The following DLG2 variants were observed in gnomAD, a reference collection of about 807,000 sequenced individuals.
DLG2 encodes discs large MAGUK scaffold protein 2.
Under a neutral mutation model 132.5 loss-of-function variants are expected in DLG2, and 45 were observed. The ratio of observed to expected loss-of-function variants is 0.34; its 90% confidence interval spans 0.27 to 0.44. The LOEUF is 0.44. Among genes scored for constraint, DLG2 ranks in the 20% least tolerant of loss-of-function variants. The pLI, the probability that DLG2 is intolerant of heterozygous loss-of-function variation, is 1.00. For missense variants in DLG2, 1,045 were observed against 1,196.9 expected (o/e 0.87, Z 1.87); for synonymous variants, 424 against 419.6 (o/e 1.01, Z -0.13).
chr11:83,637,342 T>G (rs1425085385), intron 18 of DLG2, among the ~76,000 whole-genome samples: 1 of 152,202 alleles, frequency 6.6e-6, no homozygotes, highest in Non-Finnish European at 1.5e-5. Context: ...GAATGAAATT[T>G]TCAAATGCTT....
chr11:84,569,544 A>T (rs770981048), intron 6 of DLG2, among the ~76,000 whole-genome samples: 5 of 152,156 alleles, frequency 3.3e-5, no homozygotes, highest in Non-Finnish European at 5.9e-5. Flanking sequence ...AAAATAATAA[A>T]AAAGAACCAG....
chr11:85,525,668 A>G (rs1277687892), intron 3 of DLG2, among the ~76,000 whole-genome samples: 1 of 152,222 alleles, frequency 6.6e-6, no homozygotes, highest in Non-Finnish European at 1.5e-5. Flanking sequence ...TGGAAAAAGC[A>G]CAAAGGACAG....
chr11:84,661,536 G>A (rs890120248), intron 6 of DLG2, among the ~76,000 whole-genome samples: 1 of 152,146 alleles, frequency 6.6e-6, no homozygotes, highest in Non-Finnish European at 1.5e-5. Flanking sequence ...ACATGAGAAT[G>A]TTAATTGCTA....
intron 6 of DLG2, among the ~76,000 whole-genome samples, chr11:84,680,134 G>A (rs1235600552): frequency 2.6e-5 from 4 of 152,020 alleles, no homozygotes; most frequent in Non-Finnish European, 5.9e-5. Flanking sequence ...CTCTCTTCCA[G>A]CATATGGTCT....
Position 85,144,635 on chromosome 11 carries a change from G to T in DLG2, c.282+9921C>A, listed in dbSNP as rs1005609088. 4.0e-5 allele frequency among the ~76,000 whole-genome samples: 6 copies of T among 151,386 alleles called. No homozygotes were observed. The East Asian group carries it at 9.7e-4, about 24-fold the overall frequency. On this transcript the variant is annotated intron_variant, in intron 5 of 27. Coordinates refer to ENST00000376104, the MANE Select transcript of DLG2 (RefSeq NM_001142699.3). ...CCATGAAGCTTGCAAATAATATCTTGTAAAAAATAATTTTAAACTAATGAC... is the reference window on the plus strand; with the variant it reads ...CCATGAAGCTTGCAAATAATATCTTTTAAAAAATAATTTTAAACTAATGAC...
chr11:83,763,963 C>A (rs2094028909), intron 18 of DLG2, among the ~76,000 whole-genome samples: 1 of 152,208 alleles, frequency 6.6e-6, no homozygotes, highest in Non-Finnish European at 1.5e-5. Context: ...ACAGTCATTG[C>A]ACCTAATTTA....
chr11:84,492,028 A>T (rs2099166531), intron 7 of DLG2, among the ~76,000 whole-genome samples: 1 of 152,156 alleles, frequency 6.6e-6, no homozygotes, highest in South Asian at 2.1e-4. Flanking sequence ...TTAAAAAGAC[A>T]TTTTAAGTAA....
At chr11:85,055,106 A>T (rs1378009463) in intron 6 of DLG2, among the ~76,000 whole-genome samples, 2 of 152,224 alleles carry the variant, frequency 1.3e-5, no homozygotes, top group Non-Finnish European at 2.9e-5. Flanking sequence ...TCTGTCATTA[A>T]TTAGATGAAT....
intron 6 of DLG2, among the ~76,000 whole-genome samples, chr11:84,750,753 A>G (rs1429872492): frequency 6.6e-6 from 1 of 152,164 alleles, no homozygotes; most frequent in Non-Finnish European, 1.5e-5. Context: ...ACGACAAACC[A>G]TAGAAAGTCA....
intron 11 of DLG2, among the ~76,000 whole-genome samples, chr11:84,019,746 G>C (rs1012239730): frequency 4.6e-5 from 7 of 152,208 alleles, no homozygotes; most frequent in Middle Eastern, 6.8e-3. Context: ...AAAGAAGAGT[G>C]ATTCATCCCT....
At position 84,797,089 on chromosome 11, in the gene DLG2, C is replaced by T. The variant is rs1024099420; in HGVS notation, c.358-262358G>A. On this transcript the variant is annotated intron_variant, in intron 6 of 27. Coordinates refer to ENST00000376104, the MANE Select transcript of DLG2 (RefSeq NM_001142699.3). ...CTAGCACTCCTGACCTCAGGTGATCCGCCTGCCTCAGCCTCCTAAAGTGCT... is the reference window on the plus strand; with the variant it reads ...CTAGCACTCCTGACCTCAGGTGATCTGCCTGCCTCAGCCTCCTAAAGTGCT... 2.1e-4 allele frequency among the ~76,000 whole-genome samples: 32 copies of T among 152,132 alleles called. 2 individuals are homozygous for T. The highest frequency in any genetic ancestry group is 4.3e-4 in the African/African-American group (18 of 41,506).
intron 3 of DLG2, among the ~76,000 whole-genome samples, chr11:85,423,039 T>C (rs1443829031): frequency 6.6e-6 from 1 of 152,102 alleles, no homozygotes; most frequent in Admixed American, 6.6e-5. Context: ...TTACTAGAGT[T>C]GGTTTTTTGG....
At chr11:84,315,410 C>T (rs2098343223) in intron 7 of DLG2, among the ~76,000 whole-genome samples, 1 of 152,104 alleles carries the variant, frequency 6.6e-6, no homozygotes, top group African/African-American at 2.4e-5. Context: ...CTCTGTGCAA[C>T]AACCATAAGC....
intron 15 of DLG2, among the ~76,000 whole-genome samples, chr11:83,911,314 C>A (rs967858247): frequency 6.6e-6 from 1 of 152,080 alleles, no homozygotes; most frequent in Non-Finnish European, 1.5e-5. Flanking sequence ...TTGGGTATAA[C>A]AAAATATAAT....
At chr11:84,401,396 T>C (rs2098828874) in intron 7 of DLG2, among the ~76,000 whole-genome samples, 1 of 152,078 alleles carries the variant, frequency 6.6e-6, no homozygotes, top group Non-Finnish European at 1.5e-5. Flanking sequence ...CCCCAACCCC[T>C]GGACTGTCTC....
intron 14 of DLG2, among the ~76,000 whole-genome samples, chr11:83,946,942 T>A (rs2084137026): frequency 6.6e-6 from 1 of 152,216 alleles, no homozygotes; most frequent in African/African-American, 2.4e-5. Context: ...AAATTCGGTA[T>A]AACCTTATTA....
At chr11:83,486,711 T>C (rs1181252867) in intron 21 of DLG2, among the ~76,000 whole-genome samples, 2 of 152,050 alleles carry the variant, frequency 1.3e-5, no homozygotes, top group African/African-American at 2.4e-5. Context: ...ATCTAACATG[T>C]CAGTCTTATT....
Position 83,874,469 on chromosome 11 carries a change from C to T in DLG2, c.1516G>A (p.Ala506Thr), listed in dbSNP as rs190715807. The part of the protein sequence containing the change: ...EMTSHSQHST[A>T]TRQPSMTLQR... ...AGAGTCATTGAAGGCTGACGAGTTGCGGTGCTATGTTGGGAATGACTGCAA... is the reference window on the plus strand; with the variant it reads ...AGAGTCATTGAAGGCTGACGAGTTGTGGTGCTATGTTGGGAATGACTGCAA... Residue 506 changes from alanine to threonine, a missense_variant, in exon 16 of 28, where the codon GCA (alanine) becomes ACA (threonine). This residue lies in a region of DLG2 where 261 missense variants were observed against 256.1 expected (regional missense o/e 1.02). Transcript: ENST00000376104. 351 of 1,601,074 alleles carry T rather than the reference C, an allele frequency of 2.2e-4. 6 individuals carry two copies. The African/African-American group carries it at 3.1e-3, about 14-fold the overall frequency.
At chr11:83,830,355 C>A (rs1279748009) in intron 17 of DLG2, among the ~76,000 whole-genome samples, 1 of 152,130 alleles carries the variant, frequency 6.6e-6, no homozygotes, top group South Asian at 2.1e-4. Context: ...CTTTGTCAAG[C>A]CATAGAGTAT....
Sources: allele counts gnomAD v4.1 joint callset (sites outside exome capture counted in the v4.1 genomes callset), GRCh38; gene constraint gnomAD v4.1.1; regional missense constraint gnomAD v4.1.1; transcripts MANE v1.5; gene names NCBI Gene and HGNC (gene_info 2026-07-23, HGNC 2026-07-21).